The following NPHP1 variants were observed in gnomAD, a reference collection of about 807,000 sequenced individuals.
The protein encoded by NPHP1 is nephrocystin 1.
In NPHP1, 70 loss-of-function variants were observed where a neutral mutation model predicts 90.4. That is an observed-to-expected ratio of 0.77 (90% CI 0.64 to 0.95). NPHP1 has a LOEUF of 0.95. NPHP1 is among the 40% of genes least tolerant of loss of function. The pLI is 0.00. For synonymous variants in NPHP1, 256 were observed against 271.7 expected (o/e 0.94, Z 0.57); for missense variants, 764 against 795.9 (o/e 0.96, Z 0.48).
chr2:110,171,461 T>C (rs1022826545), intron 4 of NPHP1, among the ~76,000 whole-genome samples: 5 of 152,098 alleles, frequency 3.3e-5, no homozygotes, highest in South Asian at 2.1e-4. Context: ...AAAAGGAATA[T>C]TAGCTGAACT....
chr2:110,189,850 T>C (rs1250521469), intron 2 of NPHP1, among the ~76,000 whole-genome samples: 1 of 152,122 alleles, frequency 6.6e-6, no homozygotes, highest in East Asian at 1.9e-4. Context: ...AGAGTGTCGA[T>C]GGGTGCATTC....
Position 110,163,123 on chromosome 2 carries a change from C to T in NPHP1, c.784G>A (p.Val262Ile), listed in dbSNP as rs1383857687. The T allele has an allele frequency of 1.2e-6, 2 of 1,610,254 alleles. No homozygotes were observed. Among genetic ancestry groups the T allele is most frequent in the Non-Finnish European group, 1.7e-6 (2 of 1,176,478 alleles). The change falls in exon 9 of 20, where the codon GTT becomes ATT. Residue 262 changes from valine (V) to isoleucine (I), a missense_variant. Physicochemically the swap from Val to Ile is conservative, Grantham distance 29. Transcript: ENST00000445609. ...QKAISEQINTVDVLTTMGAIP... is the reference protein window; with the variant it reads ...QKAISEQINTIDVLTTMGAIP... ...GCTCCCATCGTAGTTAACACATCAA[C>T]AGTGTTTATCTGCTGAAGACAGTAA...
intron 2 of NPHP1, among the ~76,000 whole-genome samples, chr2:110,195,909 T>A (rs1306007537): frequency 1.3e-5 from 2 of 152,162 alleles, no homozygotes; most frequent in Non-Finnish European, 2.9e-5. Context: ...GGGGAAATGA[T>A]TCCCTATTTA....
rs754535615 is a variant in NPHP1, at chr2:110,165,058, T to G, written c.722A>C (p.Lys241Thr). ...VDETADGAEV[K>T]QRTDPHWSAV... Reference sequence around the variant, plus strand: ...TCCTTTCCCACTTTTGTACCTTTGCTTAACTTCTGCTCCATCTGCTGTTTC... The same window carrying G: ...TCCTTTCCCACTTTTGTACCTTTGCGTAACTTCTGCTCCATCTGCTGTTTC... Residue 241 changes from lysine to threonine, a missense_variant, in exon 7 of 20, where the codon AAG (lysine) becomes ACG (threonine). By Grantham distance (78) the Lys-to-Thr change is moderately conservative. Transcript: ENST00000445609. The G allele has an allele frequency of 6.2e-7, 1 of 1,612,570 alleles. No individual in the cohort carries two copies. Among genetic ancestry groups the G allele is most frequent in the Admixed American group, 1.7e-5 (1 of 60,010 alleles).
chr2:110,167,531 T>C (rs1453380481), intron 6 of NPHP1, among the ~76,000 whole-genome samples: 2 of 152,142 alleles, frequency 1.3e-5, no homozygotes, highest in Non-Finnish European at 2.9e-5. Context: ...AGAGAGTGCA[T>C]GCCAGCCACC....
chr2:110,159,902 CTTTTT>C (rs74744530), intron 11 of NPHP1, among the ~76,000 whole-genome samples: 12 of 151,754 alleles, frequency 7.9e-5, no homozygotes, highest in African/African-American at 2.9e-4. Context: ...AATCTTTTAT[CTTTTT>C]TTTAATATAC....
chr2:110,188,396 G>A lies in NPHP1; in HGVS notation c.144-8712C>T, dbSNP rs1041451452. Among the ~76,000 whole-genome samples the A allele has an allele frequency of 8.5e-5, 13 of 152,162 alleles. 1 individual carries two copies. In the South Asian group the frequency reaches 1.0e-3, roughly 12 times the overall value. Reference sequence around the variant, plus strand: ...ACAGGCAGGCAGAGAGCTAAATCCTGAACTCACATTCACAACTGCTACAAA... The same window carrying A: ...ACAGGCAGGCAGAGAGCTAAATCCTAAACTCACATTCACAACTGCTACAAA... On this transcript the variant is annotated intron_variant, in intron 2 of 19. Coordinates refer to ENST00000445609, the MANE Select transcript of NPHP1 (RefSeq NM_001128178.3).
At chr2:110,175,347 A>G (rs1683433756) in intron 4 of NPHP1, among the ~76,000 whole-genome samples, 1 of 152,152 alleles carries the variant, frequency 6.6e-6, no homozygotes, top group Non-Finnish European at 1.5e-5. Context: ...ATGTGGGATC[A>G]TTGTCTGCTA....
chr2:110,159,746 T>A (rs1682164099), intron 11 of NPHP1, among the ~76,000 whole-genome samples: 1 of 152,020 alleles, frequency 6.6e-6, no homozygotes, highest in Non-Finnish European at 1.5e-5. Context: ...TTTGTCTTTT[T>A]TAAAATTTTC....
chr2:110,172,046 G>T (rs1235357981), intron 4 of NPHP1, among the ~76,000 whole-genome samples: 1 of 152,052 alleles, frequency 6.6e-6, no homozygotes, highest in Non-Finnish European at 1.5e-5. Context: ...CTGTGGAAAG[G>T]CTTTTAATTA....
chr2:110,203,256 G>A (rs960065492), intron 1 of NPHP1, among the ~76,000 whole-genome samples: 1 of 151,840 alleles, frequency 6.6e-6, no homozygotes, highest in Non-Finnish European at 1.5e-5. Flanking sequence ...GACTGCTGGA[G>A]TGGGGTGGGG....
At chr2:110,154,656 G>T (rs780598428) in intron 11 of NPHP1, among the ~76,000 whole-genome samples, 23 of 152,114 alleles carry the variant, frequency 1.5e-4, no homozygotes, top group Non-Finnish European at 2.9e-4. Flanking sequence ...TTATGTTTTA[G>T]TGAAGAGACT....
At chr2:110,128,866 A>G (rs1211179395) in intron 18 of NPHP1, 3 of 353,764 alleles carry the variant, frequency 8.5e-6, no homozygotes, top group African/African-American at 4.1e-5. Flanking sequence ...TGCAAATTCA[A>G]TTGATTTATC....
chr2:110,202,592 A>G, intron 1 of NPHP1: 3 of 281,246 alleles, frequency 1.1e-5, no homozygotes, highest in South Asian at 1.0e-4. Flanking sequence ...TCTTTCTAAT[A>G]GTTTGTTTTA....
At chr2:110,202,290 GA>G (rs771813822) in intron 1 of NPHP1, 71 of 308,810 alleles carry the variant, frequency 2.3e-4, no homozygotes, top group Non-Finnish European at 4.2e-4. Context: ...TAAAGTGGAT[GA>G]AAAAAGAGAA....
chr2:110,123,617 A>T lies in NPHP1; in HGVS notation c.*174T>A. Reference sequence around the variant, plus strand: ...TTATAAAAATTTATTTTATGGTTTTAAAAAATATTTAAATTATTGTATAAA... The same window carrying T: ...TTATAAAAATTTATTTTATGGTTTTTAAAAATATTTAAATTATTGTATAAA... On this transcript the variant is annotated 3_prime_UTR_variant, in exon 20 of 20. Transcript: ENST00000445609. 4.8e-6 allele frequency: 3 copies of T among 621,392 alleles called. No homozygotes were observed. The highest frequency in any genetic ancestry group is 4.7e-5 in the South Asian group (2 of 42,140). The allele number at this position is 621,392 out of a possible 1,614,324, so 38.5% of individuals were successfully genotyped here.
Position 110,124,049 on chromosome 2 carries a change from G to A in NPHP1, c.1776C>T (p.Phe592=). 2 of 1,614,082 alleles carry A rather than the reference G, an allele frequency of 1.2e-6. No homozygotes were observed. The highest frequency in any genetic ancestry group is 2.2e-5 in the South Asian group (2 of 91,066). The change falls in exon 20 of 20, where the codon TTC becomes TTT. Residue 592 remains phenylalanine (F), a synonymous_variant. Coordinates refer to ENST00000445609, the MANE Select transcript of NPHP1 (RefSeq NM_001128178.3). The part of the protein sequence containing the change: ...LKRSEKRDKE[F]LKSTFLLVYH... ...AAACCAGGAGAAACGTGGACTTCAG[G>A]AACTCTTTGTCTCTCTGGGAAAACA... is the stretch of plus-strand genomic sequence containing the variant.
chr2:110,155,986 T>A (rs1681857855), intron 11 of NPHP1, among the ~76,000 whole-genome samples: 1 of 151,914 alleles, frequency 6.6e-6, no homozygotes, highest in South Asian at 2.1e-4. Flanking sequence ...CTCACCCAGA[T>A]CTCATCTTGA....
At position 110,146,756 on chromosome 2, in the gene NPHP1, G is replaced by C. The variant is rs1400723671; in HGVS notation, c.1349C>G (p.Ala450Gly). 6.2e-7 allele frequency: 1 copy of C among 1,608,556 alleles called. No homozygotes were observed. The highest frequency in any genetic ancestry group is 8.5e-7 in the Non-Finnish European group (1 of 1,174,978). ...TAGGAATATATAGCCAACTTACTTT[G>C]CTGGAATAGGAACTCCACTGGCATC... is the stretch of plus-strand genomic sequence containing the variant. ...LFDASGVPIP[A>G]KTYELFLNGG... Residue 450 changes from alanine to glycine, a missense_variant, in exon 14 of 20, where the codon GCA (alanine) becomes GGA (glycine). Physicochemically the swap from Ala to Gly is moderately conservative, Grantham distance 60 (BLOSUM62 0). Transcript: ENST00000445609.
Sources: allele counts gnomAD v4.1 joint callset (sites outside exome capture counted in the v4.1 genomes callset), GRCh38; gene constraint gnomAD v4.1.1; transcripts MANE v1.5; gene names NCBI Gene and HGNC (gene_info 2026-07-23, HGNC 2026-07-21).